The following DMD variants were observed in gnomAD, a reference collection of about 807,000 sequenced individuals.
The protein encoded by DMD is mutant dystrophin.
In DMD, 63 loss-of-function variants were observed where a neutral mutation model predicts 330.1. The observed-to-expected ratio is 0.19, with a 90% CI of 0.16 to 0.24. DMD has a LOEUF of 0.24. Ranked by LOEUF, DMD falls within the 10% of genes least tolerant of loss-of-function variation. The pLI is 1.00. For synonymous variants in DMD, 1,223 were observed against 959.8 expected (o/e 1.27, Z -5.07); for missense variants, 3,344 against 2,684.1 (o/e 1.25, Z -5.43).
intron 1 of DMD, among the ~76,000 whole-genome samples, chrX:33,113,198 C>T (rs950224155): frequency 1.2e-4 from 13 of 106,689 alleles, no homozygotes; most frequent in Non-Finnish European, 2.3e-4. Flanking sequence ...GAATAACAGG[C>T]GCCCGCCACC....
At chrX:31,743,860 C>CTT (rs781720894) in intron 51 of DMD, among the ~76,000 whole-genome samples, 4 of 103,772 alleles carry the variant, frequency 3.9e-5, no homozygotes, top group South Asian at 4.2e-4. Flanking sequence ...AAATGTTTGT[C>CTT]TTTTTTTTTT....
intron 7 of DMD, among the ~76,000 whole-genome samples, chrX:32,729,809 CGTT>C (rs1482709687): frequency 9.0e-6 from 1 of 111,727 alleles, no homozygotes; most frequent in Non-Finnish European, 1.9e-5. Flanking sequence ...AAAGTAAAAA[CGTT>C]GTCTCAGCAG....
intron 7 of DMD, among the ~76,000 whole-genome samples, chrX:32,742,198 T>C (rs1260134216): frequency 8.9e-6 from 1 of 112,121 alleles, no homozygotes; most frequent in African/African-American, 3.2e-5. Context: ...CTGCATCTTC[T>C]GGCTTGTATC....
intron 1 of DMD, among the ~76,000 whole-genome samples, chrX:33,321,611 T>C (rs780259005): frequency 9.0e-5 from 10 of 111,104 alleles, no homozygotes; most frequent in African/African-American, 2.9e-4. Context: ...AAATGAGCAT[T>C]GCTTCAACTT....
intron 2 of DMD, among the ~76,000 whole-genome samples, chrX:32,886,044 TAAC>T (rs770389516): frequency 9.0e-6 from 1 of 111,133 alleles, no homozygotes; most frequent in African/African-American, 3.3e-5. Flanking sequence ...AATGACTGTA[TAAC>T]AACATATGTA....
intron 44 of DMD, among the ~76,000 whole-genome samples, chrX:32,211,279 G>A (rs1383897065): frequency 3.6e-5 from 4 of 111,854 alleles, no homozygotes; most frequent in South Asian, 3.7e-4. Context: ...AGAATATGAC[G>A]TTAAACTATA....
intron 45 of DMD, among the ~76,000 whole-genome samples, chrX:31,950,471 G>C (rs2095145890): frequency 9.0e-6 from 1 of 110,770 alleles, no homozygotes; most frequent in African/African-American, 3.3e-5. Flanking sequence ...CTTTCATTTG[G>C]TGGCGTCTCC....
At chrX:31,504,597 C>T (rs1439732090) in intron 56 of DMD, among the ~76,000 whole-genome samples, 1 of 111,390 alleles carries the variant, frequency 9.0e-6, no homozygotes, top group Non-Finnish European at 1.9e-5. Context: ...ATTCATAATG[C>T]AGGTTTATCA....
At chrX:32,639,577 T>G (rs2059318449) in intron 11 of DMD, among the ~76,000 whole-genome samples, 1 of 112,461 alleles carries the variant, frequency 8.9e-6, no homozygotes, top group African/African-American at 3.2e-5. Flanking sequence ...GTTAATAAAC[T>G]TCTTTATTGT....
At chrX:32,918,124 T>A (rs1156574880) in intron 2 of DMD, among the ~76,000 whole-genome samples, 14 of 111,464 alleles carry the variant, frequency 1.3e-4, no homozygotes, top group Non-Finnish European at 1.7e-4. Flanking sequence ...GGTGCTTATT[T>A]AGATTTCCTA....
intron 49 of DMD, among the ~76,000 whole-genome samples, chrX:31,825,211 C>T (rs1434684205): frequency 8.9e-6 from 1 of 111,976 alleles, no homozygotes; most frequent in Admixed American, 9.5e-5. Flanking sequence ...AGTAATCATT[C>T]TGATAACAGA....
intron 21 of DMD, among the ~76,000 whole-genome samples, chrX:32,481,534 A>T (rs1301082549): frequency 1.8e-5 from 2 of 111,618 alleles, no homozygotes; most frequent in Non-Finnish European, 3.8e-5. Context: ...ATCTTGTCCT[A>T]ATCTTTCATT....
At chrX:32,178,977 T>TCTCC (rs1225972040) in intron 44 of DMD, among the ~76,000 whole-genome samples, 1 of 104,439 alleles carries the variant, frequency 9.6e-6, no homozygotes, top group Non-Finnish European at 2.0e-5. Context: ...TCTCTCTCTC[T>TCTCC]CTCTCCCTCT....
chrX:32,522,564 T>G (rs891134004), intron 17 of DMD, among the ~76,000 whole-genome samples: 1 of 112,239 alleles, frequency 8.9e-6, no homozygotes, highest in Non-Finnish European at 1.9e-5. Context: ...TATGTTACCT[T>G]CATTCGTAAA....
intron 16 of DMD, among the ~76,000 whole-genome samples, chrX:32,562,707 C>T (rs2051166501): frequency 8.9e-6 from 1 of 112,294 alleles, no homozygotes; most frequent in African/African-American, 3.2e-5. Context: ...TTGGAATTCT[C>T]CTTATGTAAT....
chrX:31,443,500 T>C (rs1337817510), intron 60 of DMD, among the ~76,000 whole-genome samples: 2 of 111,625 alleles, frequency 1.8e-5, no homozygotes, highest in Non-Finnish European at 3.8e-5. Flanking sequence ...TTTTGACTTA[T>C]TCATCCTAAT....
At chrX:32,881,613 C>T (rs2083950876) in intron 2 of DMD, among the ~76,000 whole-genome samples, 1 of 111,879 alleles carries the variant, frequency 8.9e-6, no homozygotes, top group Non-Finnish European at 1.9e-5. Context: ...ACTAATTTTG[C>T]CAATGTGAAG....
intron 22 of DMD, among the ~76,000 whole-genome samples, chrX:32,470,822 T>G (rs2040552364): frequency 8.9e-6 from 1 of 112,319 alleles, no homozygotes; most frequent in South Asian, 3.6e-4. Context: ...AAAAAAATAT[T>G]TAATTATCCA....
chrX:33,196,169 G>C (rs1189336740), intron 1 of DMD, among the ~76,000 whole-genome samples: 3 of 111,894 alleles, frequency 2.7e-5, no homozygotes, highest in Non-Finnish European at 5.6e-5. Context: ...GAGACATGGT[G>C]ATAGTGGTTT....
Sources: gnomAD v4.1 joint callset for allele counts (sites outside exome capture counted in the v4.1 genomes callset) on GRCh38, gnomAD v4.1.1 for gene constraint, MANE v1.5 for transcripts, NCBI Gene and HGNC (gene_info 2026-07-23, HGNC 2026-07-21) for gene names.